The following SMC6 variants were observed in gnomAD, a reference collection of about 807,000 sequenced individuals.
The protein encoded by SMC6 is structural maintenance of chromosomes protein 6.
A neutral mutation model predicts 142.2 loss-of-function variants in SMC6; 79 were observed. The observed-to-expected ratio is 0.56, with a 90% confidence interval of 0.46 to 0.67. The LOEUF (loss-of-function observed/expected upper bound fraction) is 0.67, where lower values mean the gene tolerates loss of function less well. SMC6 is among the 30% of genes least tolerant of loss of function. SMC6 has a pLI of 0.00. For synonymous variants in SMC6, 411 were observed against 412.4 expected (o/e 1.00, Z 0.04); for missense variants, 1,072 against 1,284.0 (o/e 0.83, Z 2.52).
intron 23 of SMC6, among the ~76,000 whole-genome samples, chr2:17,693,159 G>C (rs942630517): frequency 5.9e-5 from 9 of 151,702 alleles, no homozygotes; most frequent in South Asian, 4.2e-4. Context: ...CGATTGCTAA[G>C]GGATCTAGAA....
chr2:17,728,467 C>T (rs1261378411), intron 7 of SMC6, among the ~76,000 whole-genome samples: 6 of 151,582 alleles, frequency 4.0e-5, no homozygotes, highest in Admixed American at 2.0e-4. Flanking sequence ...AGGCCAAGGC[C>T]GAGGTGTGAG....
At chr2:17,683,091 G>A (rs1049624782) in intron 24 of SMC6, among the ~76,000 whole-genome samples, 1 of 152,080 alleles carries the variant, frequency 6.6e-6, no homozygotes, top group African/African-American at 2.4e-5. Flanking sequence ...ATCAGTTGGA[G>A]TCAATCTATC....
chr2:17,667,603 A>C (rs1666559276), intron 26 of SMC6, among the ~76,000 whole-genome samples: 1 of 152,172 alleles, frequency 6.6e-6, no homozygotes. Context: ...TAATCCCAGC[A>C]CTTTGGGAGA....
chr2:17,698,242 C>A (rs1184707348), intron 21 of SMC6, among the ~76,000 whole-genome samples: 1 of 151,966 alleles, frequency 6.6e-6, no homozygotes, highest in Non-Finnish European at 1.5e-5. Context: ...CATGAAAAAT[C>A]ATTGAATTAT....
At chr2:17,721,493 A>G (rs763536683) in intron 9 of SMC6, among the ~76,000 whole-genome samples, 5 of 152,180 alleles carry the variant, frequency 3.3e-5, no homozygotes, top group Non-Finnish European at 7.3e-5. Flanking sequence ...TCAGATGAAG[A>G]GCAAAGGAAT....
chr2:17,730,074 A>C (rs1326102236), intron 7 of SMC6, among the ~76,000 whole-genome samples: 1 of 152,192 alleles, frequency 6.6e-6, no homozygotes, highest in Non-Finnish European at 1.5e-5. Flanking sequence ...ATGAAACAGG[A>C]TGCCTGGATC....
intron 24 of SMC6, 50 bp downstream of exon 24, chr2:17,683,586 CAG>C: frequency 6.8e-7 from 1 of 1,471,590 alleles, no homozygotes; most frequent in South Asian, 1.3e-5. Context: ...AATATGAAAA[CAG>C]AGAAACACAA....
In SMC6 at chr2:17,705,036, C is replaced by T. The variant is rs367610510; in HGVS notation, c.2007-1744G>A. 1.4e-4 allele frequency among the ~76,000 whole-genome samples: 22 copies of T among 151,744 alleles called. No homozygotes were observed. The East Asian group carries it at 2.7e-3, about 19-fold the overall frequency. On this transcript the variant is annotated intron_variant, in intron 18 of 27. Coordinates refer to ENST00000448223, the MANE Select transcript of SMC6 (RefSeq NM_001142286.2). ...CTTTGGGAGGCTGAGGTGGGCAGAT[C>T]ACTTGAGGTCAGGAGTTCGAGACCA...
intron 16 of SMC6, among the ~76,000 whole-genome samples, chr2:17,709,063 T>G (rs1251581507): frequency 6.6e-6 from 1 of 152,110 alleles, no homozygotes; most frequent in Non-Finnish European, 1.5e-5. Context: ...CACATTTTTT[T>G]CAGATAAGGA....
At chr2:17,716,034 T>C in intron 15 of SMC6, 52 bp downstream of exon 15, 1 of 1,353,716 alleles carries the variant, frequency 7.4e-7, no homozygotes, top group South Asian at 2.0e-5. Flanking sequence ...GTTCTGAAAA[T>C]AAAAACTTAT....
At chr2:17,676,364 T>C (rs1202324460) in intron 25 of SMC6, among the ~76,000 whole-genome samples, 1 of 152,062 alleles carries the variant, frequency 6.6e-6, no homozygotes, top group South Asian at 2.1e-4. Context: ...TTTCCTACTT[T>C]AAAAAAAATT....
intron 7 of SMC6, among the ~76,000 whole-genome samples, chr2:17,729,460 T>C (rs184930958): frequency 3.3e-5 from 5 of 151,798 alleles, no homozygotes; most frequent in Non-Finnish European, 7.4e-5. Flanking sequence ...TAATGAAAAC[T>C]TTCTAATAAA....
chr2:17,669,527 C>T (rs749101008), intron 26 of SMC6, among the ~76,000 whole-genome samples: 11 of 152,106 alleles, frequency 7.2e-5, no homozygotes, highest in Admixed American at 1.3e-4. Context: ...TTAGGGGAGG[C>T]AGCTTGGCAG....
chr2:17,704,652 T>C (rs1668418909), intron 18 of SMC6, among the ~76,000 whole-genome samples: 1 of 152,130 alleles, frequency 6.6e-6, no homozygotes, highest in Non-Finnish European at 1.5e-5. Context: ...CTGAAACCAT[T>C]TTGCAGTTTG....
At chr2:17,747,771 T>C (rs1670827821) in intron 2 of SMC6, among the ~76,000 whole-genome samples, 2 of 152,194 alleles carry the variant, frequency 1.3e-5, no homozygotes, top group Admixed American at 1.3e-4. Context: ...CCCAAAGTGC[T>C]GGGATTATAG....
chr2:17,719,366 C>T (rs1368389234), intron 11 of SMC6, among the ~76,000 whole-genome samples: 2 of 152,128 alleles, frequency 1.3e-5, no homozygotes, highest in African/African-American at 4.8e-5. Flanking sequence ...TAATCAAGCA[C>T]ACACAATGTG....
chr2:17,717,828 AAAAAAATTT>A, intron 12 of SMC6, among the ~76,000 whole-genome samples: 1 of 152,040 alleles, frequency 6.6e-6, no homozygotes, highest in Admixed American at 6.6e-5. Context: ...CAAGAAATAC[AAAAAAATTT>A]AGCCAGCTGT....
chr2:17,705,649 A>T (rs540898060), intron 18 of SMC6, among the ~76,000 whole-genome samples: 120 of 152,336 alleles, frequency 7.9e-4, no homozygotes, highest in African/African-American at 2.4e-3. Flanking sequence ...AAAATAAGCA[A>T]GACAATATTG....
At chr2:17,752,816 TTTC>T (rs1671124381) in intron 2 of SMC6, among the ~76,000 whole-genome samples, 159 bp downstream of exon 2, 1 of 152,210 alleles carries the variant, frequency 6.6e-6, no homozygotes, top group African/African-American at 2.4e-5. Flanking sequence ...GATTTGGGTT[TTTC>T]TTTTTTCCTT....
Sources: gnomAD v4.1 joint callset for allele counts (sites outside exome capture counted in the v4.1 genomes callset) on GRCh38, gnomAD v4.1.1 for gene constraint, MANE v1.5 for transcripts, NCBI Gene and HGNC (gene_info 2026-07-23, HGNC 2026-07-21) for gene names.